PTPRQ: variants seen among roughly 807,000 people sequenced by gnomAD.
PTPRQ encodes protein tyrosine phosphatase receptor type Q.
PTPRQ carries 199 observed loss-of-function variants against 246.0 expected under a neutral mutation model. The ratio of observed to expected loss-of-function variants is 0.81; its 90% CI spans 0.72 to 0.91. The LOEUF (loss-of-function observed/expected upper bound fraction) is 0.91. Ranked by LOEUF, PTPRQ falls within the 40% of genes least tolerant of loss-of-function variation. PTPRQ has a pLI of 0.00. For synonymous variants in PTPRQ, 869 were observed against 853.2 expected (o/e 1.02, Z -0.32); for missense variants, 2,624 against 2,528.4 (o/e 1.04, Z -0.81).
chr12:80,485,675 A>G (rs1396462295), intron 9 of PTPRQ, among the ~76,000 whole-genome samples: 2 of 152,130 alleles, frequency 1.3e-5, no homozygotes, highest in Admixed American at 1.3e-4. Context: ...TGTGCAAAAG[A>G]TGTTGAATTA....
chr12:80,472,779 T>C (rs1426333767), intron 8 of PTPRQ, among the ~76,000 whole-genome samples: 4 of 152,176 alleles, frequency 2.6e-5, no homozygotes, highest in Non-Finnish European at 5.9e-5. Context: ...CTTATAAGTA[T>C]TCATTAAACA....
At chr12:80,546,116 A>G (rs1049834029) in intron 23 of PTPRQ, among the ~76,000 whole-genome samples, 3 of 152,046 alleles carry the variant, frequency 2.0e-5, no homozygotes, top group Non-Finnish European at 4.4e-5. Flanking sequence ...TCAGGAGTTC[A>G]AGACCAGCCT....
chr12:80,608,096 G>A (rs1371459237), intron 27 of PTPRQ, among the ~76,000 whole-genome samples: 2 of 150,618 alleles, frequency 1.3e-5, no homozygotes, highest in African/African-American at 2.4e-5. Context: ...AGGACTTGAC[G>A]AATGAATAGG....
rs114367101 is a variant in PTPRQ, at chr12:80,475,318, A to G, written c.1186+3067A>G. On this transcript the variant is annotated intron_variant, in intron 8 of 44. Transcript: ENST00000644991. Reference sequence around the variant, plus strand: ...TTATCTAGAAAATTCATCATCGAGCAGCATTAATTTTGAAGTTGGAGAAAA... The same window carrying G: ...TTATCTAGAAAATTCATCATCGAGCGGCATTAATTTTGAAGTTGGAGAAAA... Among the ~76,000 whole-genome samples the G allele has an allele frequency of 2.5e-3, 381 of 152,304 alleles. 4 individuals are homozygous for G. Among genetic ancestry groups the G allele is most frequent in the African/African-American group, 8.6e-3 (359 of 41,590 alleles).
intron 3 of PTPRQ, among the ~76,000 whole-genome samples, chr12:80,447,329 T>C (rs2120393344): frequency 6.6e-6 from 1 of 152,210 alleles, no homozygotes; most frequent in South Asian, 2.1e-4. Flanking sequence ...GCAAATATTT[T>C]CTCCAGCTCT....
intron 35 of PTPRQ, among the ~76,000 whole-genome samples, chr12:80,645,292 T>C (rs979659829): frequency 1.3e-5 from 2 of 151,956 alleles, no homozygotes; most frequent in African/African-American, 4.8e-5. Flanking sequence ...GGCTTTTGCT[T>C]AGACTCACAT....
intron 35 of PTPRQ, among the ~76,000 whole-genome samples, chr12:80,637,090 T>C (rs1200692382): frequency 6.6e-6 from 1 of 152,088 alleles, no homozygotes; most frequent in Admixed American, 6.5e-5. Context: ...TGAAACCCCA[T>C]CTCTATTAAA....
intron 25 of PTPRQ, among the ~76,000 whole-genome samples, chr12:80,587,810 C>T (rs1001220055): frequency 2.6e-5 from 4 of 152,102 alleles, no homozygotes; most frequent in Non-Finnish European, 5.9e-5. Flanking sequence ...ATGATATGAG[C>T]ATACAGTTTT....
At chr12:80,485,342 G>C (rs1894238635) in intron 9 of PTPRQ, among the ~76,000 whole-genome samples, 1 of 152,046 alleles carries the variant, frequency 6.6e-6, no homozygotes, top group Admixed American at 6.6e-5. Flanking sequence ...CTGCTCCCCG[G>C]GGCATTCAAA....
chr12:80,611,079 A>G (rs1898532505), intron 28 of PTPRQ, among the ~76,000 whole-genome samples: 1 of 150,576 alleles, frequency 6.6e-6, no homozygotes, highest in Admixed American at 6.6e-5. Flanking sequence ...TCCAGCTCAC[A>G]TTTATCACAG....
chr12:80,646,752 C>T (rs140034738), intron 35 of PTPRQ, among the ~76,000 whole-genome samples: 329 of 147,820 alleles, frequency 2.2e-3, no homozygotes, highest in South Asian at 9.7e-3. Context: ...TGTATTTCTG[C>T]GAAAAAAAAA....
rs909344189 is a variant in PTPRQ at position 80,679,989 on chromosome 12, T to A, written c.*966T>A. ...ATGGCCGTCATTTCATTTCCCAAGG[T>A]TGATTTTGAGCAGTATACTTGGTGG... On this transcript the variant is annotated 3_prime_UTR_variant, in exon 45 of 45. Coordinates refer to ENST00000644991, the MANE Select transcript of PTPRQ (RefSeq NM_001145026.2). 1 of 151,772 alleles carries A rather than the reference T, an allele frequency of 6.6e-6. No homozygotes were observed. Among genetic ancestry groups the A allele is most frequent in the African/African-American group, 2.4e-5 (1 of 41,392 alleles). 9.4% of individuals were successfully genotyped at this position (151,772 alleles called of 1,614,324 possible). A position where few individuals can be genotyped will look rare whatever the true frequency, so the allele number is the denominator to read the frequency against.
chr12:80,590,611 T>A (rs1324133907), intron 26 of PTPRQ, among the ~76,000 whole-genome samples: 2 of 134,592 alleles, frequency 1.5e-5, no homozygotes, highest in Non-Finnish European at 3.0e-5. Flanking sequence ...GAGCTTGCAG[T>A]GAGCCGAAAT....
rs1467592022 is a variant in PTPRQ, at chr12:80,539,808, T to G, written c.3018T>G (p.Phe1006Leu). The change falls in exon 20 of 45, where the codon TTT becomes TTG. Residue 1006 changes from phenylalanine to leucine, a missense_variant. Phe to Leu is a conservative substitution (Grantham distance 22, BLOSUM62 0). Transcript: ENST00000644991. ...NFTLHEVTNDFDNMTVSTIID... is the reference protein window; with the variant it reads ...NFTLHEVTNDLDNMTVSTIID... ...CACTCCATGAAGTAACCAATGACTT[T>G]GACAATATGACTGTATCCACAATTA... The G allele has an allele frequency of 1.1e-5, 17 of 1,547,170 alleles. No homozygotes were observed. The highest frequency in any genetic ancestry group is 2.5e-5 in the East Asian group (1 of 40,674).
intron 28 of PTPRQ, among the ~76,000 whole-genome samples, chr12:80,613,361 G>A (rs1424816405): frequency 1.3e-5 from 2 of 150,600 alleles, no homozygotes; most frequent in African/African-American, 4.8e-5. Flanking sequence ...CACATTCTGT[G>A]TAAAAATAAG....
intron 39 of PTPRQ, among the ~76,000 whole-genome samples, chr12:80,668,488 T>C (rs1000132973): frequency 1.3e-5 from 2 of 151,916 alleles, no homozygotes; most frequent in African/African-American, 4.8e-5. Flanking sequence ...AGTGTACATA[T>C]ATCTGCACAA....
intron 38 of PTPRQ, among the ~76,000 whole-genome samples, chr12:80,654,027 CTTTCT>C (rs1315608469): frequency 1.3e-5 from 2 of 151,464 alleles, no homozygotes; most frequent in African/African-American, 4.9e-5. Flanking sequence ...TTTTTTCTTT[CTTTCT>C]TTTTTTTCTT....
At position 80,680,273 on chromosome 12, in the gene PTPRQ, A is replaced by G. The variant is rs1901271395; in HGVS notation, c.*1250A>G. 1 of 151,498 alleles carries G rather than the reference A, an allele frequency of 6.6e-6. No homozygotes were observed. Among genetic ancestry groups the G allele is most frequent in the South Asian group, 2.1e-4 (1 of 4,828 alleles). 9.4% of individuals were successfully genotyped at this position (151,498 alleles called of 1,614,324 possible). On this transcript the variant is annotated 3_prime_UTR_variant, in exon 45 of 45. Coordinates refer to ENST00000644991, the MANE Select transcript of PTPRQ (RefSeq NM_001145026.2). Reference sequence around the variant, plus strand: ...GGCCAATAAAATTGAATTTTAATGAATTATCTTGCAGCATAATTTCAGAAG... The same window carrying G: ...GGCCAATAAAATTGAATTTTAATGAGTTATCTTGCAGCATAATTTCAGAAG...
chr12:80,602,399 G>A (rs1432846613), intron 26 of PTPRQ, among the ~76,000 whole-genome samples: 1 of 151,738 alleles, frequency 6.6e-6, no homozygotes, highest in Non-Finnish European at 1.5e-5. Context: ...AGTCTGTTTT[G>A]TGTTGCTATA....
Sources: allele counts gnomAD v4.1 joint callset (sites outside exome capture counted in the v4.1 genomes callset), GRCh38; gene constraint gnomAD v4.1.1; transcripts MANE v1.5; gene names NCBI Gene and HGNC (gene_info 2026-07-23, HGNC 2026-07-21).